Variants in RNF139 observed in about 807,000 individuals in gnomAD.
RNF139 encodes ring finger protein 139.
Under a neutral mutation model 49.5 loss-of-function variants are expected in RNF139, and 15 were observed. The ratio of observed to expected loss-of-function variants is 0.30; its 90% CI spans 0.20 to 0.47. RNF139 has a LOEUF of 0.47. RNF139 is among the 20% of genes least tolerant of loss of function. The probability of loss-of-function intolerance (pLI) is 1.00; values close to 1 mark genes in which losing one functional copy is unlikely to be tolerated. For synonymous variants in RNF139, 325 were observed against 300.9 expected (o/e 1.08, Z -0.83); for missense variants, 619 against 806.3 (o/e 0.77, Z 2.81).
intron 1 of RNF139, among the ~76,000 whole-genome samples, chr8:124,483,010 A>T (rs1252482011): frequency 2.9e-5 from 2 of 69,982 alleles, no homozygotes; most frequent in Non-Finnish European, 5.2e-5. Context: ...ATATATTAAA[A>T]ATATATATAT....
chr8:124,476,857 T>A (rs1473497350), intron 1 of RNF139, among the ~76,000 whole-genome samples: 2 of 152,232 alleles, frequency 1.3e-5, no homozygotes, highest in Non-Finnish European at 2.9e-5. Context: ...GGAAAAGAAG[T>A]ATTTTCTTTA....
rs768854208 is a variant in RNF139 at position 124,486,705 on chromosome 8, A to C, written c.1056A>C (p.Leu352Phe). 6.2e-7 allele frequency: 1 copy of C among 1,614,132 alleles called. No individual in the cohort carries two copies. Among genetic ancestry groups the C allele is most frequent in the Non-Finnish European group, 8.5e-7 (1 of 1,180,012 alleles). Residue 352 changes from leucine to phenylalanine, a missense_variant, in exon 2 of 2, where the codon TTA (leucine) becomes TTC (phenylalanine). Around this residue, in one of 2 missense-constraint regions of RNF139, gnomAD observed 530 missense variants for 728.9 expected, o/e 0.73. Coordinates refer to ENST00000303545, the MANE Select transcript of RNF139 (RefSeq NM_007218.4). Reference protein sequence around the residue: ...GLRPEERLIRLSRNMCLLLTA... With the variant: ...GLRPEERLIRFSRNMCLLLTA... ...GACCAGAAGAGAGACTTATTCGCTTAAGTAGAAACATGTGCCTTTTATTAA... is the reference window on the plus strand; with the variant it reads ...GACCAGAAGAGAGACTTATTCGCTTCAGTAGAAACATGTGCCTTTTATTAA...
chr8:124,487,515 T>G lies in RNF139; in HGVS notation c.1866T>G (p.Ala622=), dbSNP rs1816558916. ...CAGAGGAAGCTGTAAGAGAAGCTGC[T>G]GCTGAATCTGACAGGGAATTGAACG... ...ETPEEAVREA[A]AESDRELNED... Residue 622 remains alanine (A), a synonymous_variant, in exon 2 of 2, where the codon GCT becomes GCG. Coordinates refer to ENST00000303545, the MANE Select transcript of RNF139 (RefSeq NM_007218.4). 3.7e-6 allele frequency: 6 copies of G among 1,614,032 alleles called. No homozygotes were observed. Among genetic ancestry groups the G allele is most frequent in the Non-Finnish European group, 5.1e-6 (6 of 1,180,020 alleles).
intron 1 of RNF139, among the ~76,000 whole-genome samples, chr8:124,482,518 C>T (rs936596795): frequency 6.6e-6 from 1 of 151,976 alleles, no homozygotes; most frequent in African/African-American, 2.4e-5. Context: ...GAAGTTTTGT[C>T]TCAGGAAAAT....
chr8:124,483,020 TATA>T (rs1300423907), intron 1 of RNF139, among the ~76,000 whole-genome samples: 8 of 98,356 alleles, frequency 8.1e-5, no homozygotes, highest in African/African-American at 3.6e-4. Context: ...AATATATATA[TATA>T]TTTAAATATA....
chr8:124,483,070 ATAT>A (rs1413412564), intron 1 of RNF139, among the ~76,000 whole-genome samples: 5 of 71,630 alleles, frequency 7.0e-5, no homozygotes, highest in African/African-American at 1.3e-4. Flanking sequence ...AAATATATAT[ATAT>A]TATTTAAATA....
rs898662868 is a variant in RNF139, at chr8:124,474,905, G to A, written c.-205G>A. On this transcript the variant is annotated 5_prime_UTR_variant, in exon 1 of 2. Transcript: ENST00000303545. This position sits in a 1 kb window ranked among gnomAD's most constrained non-coding sequence, Gnocchi z 4.6. ...AGAGACCTCCTGGGGAGCCGCCGCCGCCGCCCTCTCGGCCATCGCTGCCTC... is the reference window on the plus strand; with the variant it reads ...AGAGACCTCCTGGGGAGCCGCCGCCACCGCCCTCTCGGCCATCGCTGCCTC... 5 of 330,840 alleles carry A rather than the reference G, an allele frequency of 1.5e-5. No individual in the cohort carries two copies. The highest frequency in any genetic ancestry group is 5.0e-5 in the Admixed American group (1 of 20,108). The allele number at this position is 330,840 out of a possible 1,614,324, so 20.5% of individuals were successfully genotyped here. A position where few individuals can be genotyped will look rare whatever the true frequency, so the allele number is the denominator to read the frequency against.
rs1563632990 is a variant in RNF139, at chr8:124,487,285, G to GT, written c.1637dup (p.Cys547MetfsTer7). ...GAGCCGCTTACAAGAAATAAATGAT[G>GT]TATGTGCAATCTGCTATCATGAGTT... On this transcript the variant is annotated frameshift_variant, in exon 2 of 2. Coordinates refer to ENST00000303545, the MANE Select transcript of RNF139 (RefSeq NM_007218.4). LOFTEE classifies it high-confidence loss of function. The GT allele has an allele frequency of 6.2e-7, 1 of 1,613,984 alleles. No homozygotes were observed. Among genetic ancestry groups the GT allele is most frequent in the Non-Finnish European group, 8.5e-7 (1 of 1,179,984 alleles).
chr8:124,476,837 G>A (rs1413039385), intron 1 of RNF139, among the ~76,000 whole-genome samples: 1 of 152,186 alleles, frequency 6.6e-6, no homozygotes, highest in Admixed American at 6.5e-5. Flanking sequence ...TTCAGGTTAG[G>A]CAGCTTCAAG....
chr8:124,478,029 C>G (rs548063970), intron 1 of RNF139, among the ~76,000 whole-genome samples: 2 of 151,814 alleles, frequency 1.3e-5, no homozygotes, highest in Non-Finnish European at 2.9e-5. Flanking sequence ...AGAGTTTTAC[C>G]CTGCCAGGGA....
Position 124,487,550 on chromosome 8 carries a change from G to C in RNF139, c.1901G>C (p.Ser634Thr), listed in dbSNP as rs768324092. 1.9e-6 allele frequency: 3 copies of C among 1,614,126 alleles called. No homozygotes were observed. The highest frequency in any genetic ancestry group is 2.5e-6 in the Non-Finnish European group (3 of 1,179,992). ...GACAGGGAATTGAACGAAGATGACA[G>C]TACAGATTGTGATGATGATGTTCAA... ...ESDRELNEDDSTDCDDDVQRE... is the reference protein window; with the variant it reads ...ESDRELNEDDTTDCDDDVQRE... Residue 634 changes from serine (S) to threonine (T), a missense_variant, in exon 2 of 2, where the codon AGT (serine) becomes ACT (threonine). Physicochemically the swap from Ser to Thr is moderately conservative, Grantham distance 58 (BLOSUM62 1). This residue lies in a region of RNF139 where 530 missense variants were observed against 728.9 expected (regional missense o/e 0.73). Coordinates refer to ENST00000303545, the MANE Select transcript of RNF139 (RefSeq NM_007218.4).
intron 1 of RNF139, 21 bp from the exon 2 acceptor site, chr8:124,485,810 C>CTT (rs755397032): frequency 4.3e-5 from 67 of 1,546,038 alleles, no homozygotes; most frequent in Non-Finnish European, 5.4e-5. Flanking sequence ...ATTCAAATGA[C>CTT]TTTTTCTTTC....
chr8:124,480,243 T>C (rs1260158134), intron 1 of RNF139, among the ~76,000 whole-genome samples: 3 of 151,918 alleles, frequency 2.0e-5, no homozygotes, highest in Non-Finnish European at 4.4e-5. Context: ...GAATATTTTA[T>C]TTTTCCAATC....
rs374246022 is a variant in RNF139 at position 124,482,835 on chromosome 8, A to G, written c.182-2996A>G. Among the ~76,000 whole-genome samples the G allele has an allele frequency of 2.3e-4, 35 of 149,046 alleles. No homozygotes were observed. In the South Asian group the frequency reaches 7.4e-3, roughly 31 times the overall value. Reference sequence around the variant, plus strand: ...CAGCTTCTTGGGAGGCTGAAGCAGAAGAATCGCTTGAACCTGGGAGGCAGA... The same window carrying G: ...CAGCTTCTTGGGAGGCTGAAGCAGAGGAATCGCTTGAACCTGGGAGGCAGA... On this transcript the variant is annotated intron_variant, in intron 1 of 1. Transcript: ENST00000303545.
At chr8:124,479,163 A>T (rs561818583) in intron 1 of RNF139, among the ~76,000 whole-genome samples, 2 of 150,018 alleles carry the variant, frequency 1.3e-5, no homozygotes, top group Non-Finnish European at 3.0e-5. Flanking sequence ...TGATCTCAGC[A>T]CACTGCAACC....
At chr8:124,477,122 T>G (rs988100015) in intron 1 of RNF139, among the ~76,000 whole-genome samples, 2 of 152,202 alleles carry the variant, frequency 1.3e-5, no homozygotes, top group Non-Finnish European at 2.9e-5. Flanking sequence ...TTGTTAGATA[T>G]TTTGGTCTTT....
In RNF139 at chr8:124,487,276, A is replaced by G. The variant is rs1816552361; in HGVS notation, c.1627A>G (p.Ile543Val). The G allele has an allele frequency of 1.2e-6, 2 of 1,613,922 alleles. No homozygotes were observed. The highest frequency in any genetic ancestry group is 1.7e-5 in the Admixed American group (1 of 59,996). Residue 543 changes from isoleucine to valine, a missense_variant, in exon 2 of 2, where the codon ATA (isoleucine) becomes GTA (valine). Ile to Val is a conservative substitution (Grantham distance 29). Around this residue, in one of 2 missense-constraint regions of RNF139, gnomAD observed 530 missense variants for 728.9 expected, o/e 0.73. Transcript: ENST00000303545. ...AATAAAAGGGAGCCGCTTACAAGAA[A>G]TAAATGATGTATGTGCAATCTGCTA... ...PEIKGSRLQE[I>V]NDVCAICYHE...
intron 1 of RNF139, among the ~76,000 whole-genome samples, chr8:124,479,413 G>T (rs1040948695): frequency 6.6e-6 from 1 of 152,184 alleles, no homozygotes; most frequent in Non-Finnish European, 1.5e-5. Context: ...GTTCTTGAAA[G>T]AAATGAGATA....
At chr8:124,483,012 T>A (rs1266699319) in intron 1 of RNF139, among the ~76,000 whole-genome samples, 13 of 59,728 alleles carry the variant, frequency 2.2e-4, no homozygotes, top group South Asian at 5.0e-4. Context: ...ATATTAAAAA[T>A]ATATATATAT....
Sources: gnomAD v4.1 joint callset for allele counts (sites outside exome capture counted in the v4.1 genomes callset) on GRCh38, gnomAD v4.1.1 for gene constraint, gnomAD v4.1.1 regional missense constraint, Gnocchi (gnomAD v3.1) non-coding constraint, MANE v1.5 for transcripts, NCBI Gene and HGNC (gene_info 2026-07-23, HGNC 2026-07-21) for gene names.